The following SLC2A5 variants were observed in gnomAD, a reference collection of about 807,000 sequenced individuals.
SLC2A5 encodes the protein solute carrier family 2, facilitated glucose transporter member 5.
A neutral mutation model predicts 50.3 loss-of-function variants in SLC2A5; 56 were observed. The observed-to-expected ratio is 1.11, with a 90% CI of 0.90 to 1.39. SLC2A5 has a LOEUF of 1.39. SLC2A5 is among the 40% of genes most tolerant of loss of function. The probability of loss-of-function intolerance (pLI) is 0.00; values close to 1 mark genes in which losing one functional copy is unlikely to be tolerated. For missense variants in SLC2A5, 566 were observed against 650.1 expected (o/e 0.87, Z 1.41); for synonymous variants, 269 against 281.9 (o/e 0.95, Z 0.46).
chr1:9,085,386 A>G (rs1013100337), intron 1 of SLC2A5, among the ~76,000 whole-genome samples: 1 of 152,202 alleles, frequency 6.6e-6, no homozygotes, highest in Non-Finnish European at 1.5e-5. Flanking sequence ...CTTCCAGGCT[A>G]TAGGTAAATT....
intron 1 of SLC2A5, among the ~76,000 whole-genome samples, chr1:9,063,711 T>G (rs1642007204): frequency 1.3e-5 from 1 of 79,900 alleles, no homozygotes; most frequent in African/African-American, 6.5e-5. Flanking sequence ...TTTTTTTTTT[T>G]TGAGACGGAG....
At chr1:9,066,596 A>AC (rs953012684) in intron 1 of SLC2A5, among the ~76,000 whole-genome samples, 21 of 151,054 alleles carry the variant, frequency 1.4e-4, no homozygotes, top group African/African-American at 5.1e-4. Context: ...AATCCATTTT[A>AC]TTTTTTTTTC....
intron 9 of SLC2A5, 140 bp downstream of exon 9, chr1:9,038,688 C>G: frequency 7.4e-7 from 1 of 1,360,290 alleles, no homozygotes; most frequent in Non-Finnish European, 9.9e-7. Flanking sequence ...CACACGGTCC[C>G]CAGATGTCTG....
Position 9,046,022 on chromosome 1 carries a change from C to T in SLC2A5, c.418+1588G>A, listed in dbSNP as rs1271116882. Among the ~76,000 whole-genome samples, 3 of 152,094 alleles carry T rather than the reference C, an allele frequency of 2.0e-5. No individual in the cohort carries two copies. The East Asian group carries it at 5.8e-4, about 29-fold the overall frequency. On this transcript the variant is annotated intron_variant, in intron 4 of 11. Transcript: ENST00000377424. ...GAAATGTCTTCTCATCTTTTTTTCA[C>T]GTCTCTGTTACTGCCAATTAATCCT...
In SLC2A5 at chr1:9,055,246, G is replaced by A. The variant is rs144278044; in HGVS notation, c.293+2202C>T. 3.1e-3 allele frequency among the ~76,000 whole-genome samples: 475 copies of A among 151,988 alleles called. 1 individual carries two copies. The highest frequency in any genetic ancestry group is 0.011 in the African/African-American group (462 of 41,442). On this transcript the variant is annotated intron_variant, in intron 3 of 11. Transcript: ENST00000377424. The stretch of plus-strand genomic sequence containing the variant: ...AATGGAGTGGGGATTAGCCGGGTGC[G>A]GTGGCTCACACCTGTAATCTCAGCA...
At chr1:9,058,108 G>A (rs772568807) in intron 2 of SLC2A5, 44 bp downstream of exon 2, 12 of 1,463,492 alleles carry the variant, frequency 8.2e-6, no homozygotes, top group South Asian at 4.6e-5. Context: ...GCAATGGGCT[G>A]CTCCAAACGT....
At chr1:9,066,962 A>G (rs1178013595) in intron 1 of SLC2A5, among the ~76,000 whole-genome samples, 1 of 151,018 alleles carries the variant, frequency 6.6e-6, no homozygotes, top group African/African-American at 2.4e-5. Flanking sequence ...TGGCCAACAG[A>G]GTAAGACCCT....
At chr1:9,052,271 G>T (rs532340662) in intron 3 of SLC2A5, among the ~76,000 whole-genome samples, 1 of 151,874 alleles carries the variant, frequency 6.6e-6, no homozygotes, top group Non-Finnish European at 1.5e-5. Flanking sequence ...GTGACAGAGC[G>T]AGACTCCGTC....
At chr1:9,041,522 C>A (rs1379629938) in intron 5 of SLC2A5, 4 of 1,346,256 alleles carry the variant, frequency 3.0e-6, no homozygotes, top group South Asian at 2.3e-5. Flanking sequence ...GCTGAGCAGG[C>A]AGGGAAGCCC....
intron 2 of SLC2A5, among the ~76,000 whole-genome samples, chr1:9,076,935 G>A (rs1178309877): frequency 2.6e-5 from 4 of 151,638 alleles, no homozygotes; most frequent in Non-Finnish European, 5.9e-5. Flanking sequence ...GATTACAGGC[G>A]CCTGCCACCA....
chr1:9,039,483 C>A, intron 8 of SLC2A5, 69 bp downstream of exon 8: 1 of 1,181,712 alleles, frequency 8.5e-7, no homozygotes, highest in Non-Finnish European at 1.2e-6. Context: ...CTTTTGGCGG[C>A]GCCGAGGCTG....
intron 5 of SLC2A5, chr1:9,041,160 GA>G: frequency 2.6e-6 from 1 of 380,660 alleles, no homozygotes; most frequent in Non-Finnish European, 4.6e-6. Flanking sequence ...ACCCTGGCGG[GA>G]ACTGGCTTAT....
intron 2 of SLC2A5, among the ~76,000 whole-genome samples, chr1:9,078,999 C>T (rs559411574): frequency 2.6e-5 from 4 of 152,254 alleles, no homozygotes; most frequent in South Asian, 2.1e-4. Context: ...TGCATCCAGT[C>T]GGTTGACACA....
At chr1:9,042,546 T>C (rs1268290194) in intron 4 of SLC2A5, among the ~76,000 whole-genome samples, 3 of 150,396 alleles carry the variant, frequency 2.0e-5, no homozygotes, top group Non-Finnish European at 3.0e-5. Context: ...TGTGTGTGTG[T>C]GTATATATAT....
intron 3 of SLC2A5, among the ~76,000 whole-genome samples, chr1:9,056,689 T>C (rs2124400957): frequency 6.6e-6 from 1 of 152,224 alleles, no homozygotes; most frequent in Middle Eastern, 3.4e-3. Context: ...GAGCGTGACA[T>C]CTTAAGGACA....
At chr1:9,044,716 A>G (rs1270367270) in intron 4 of SLC2A5, among the ~76,000 whole-genome samples, 1 of 151,968 alleles carries the variant, frequency 6.6e-6, no homozygotes, top group Non-Finnish European at 1.5e-5. Flanking sequence ...CACCATGCCC[A>G]GCTAATTTTT....
Position 9,040,175 on chromosome 1 carries a change from G to A in SLC2A5, c.586C>T (p.Leu196=), listed in dbSNP as rs1373003009. 1.9e-6 allele frequency: 3 copies of A among 1,551,416 alleles called. No homozygotes were observed. The highest frequency in any genetic ancestry group is 1.4e-5 in the African/African-American group (1 of 73,146). ...LANVDGWPIL[L]GLTGVPAALQ... Reference sequence around the variant, plus strand: ...GCCGCGGGGACCCCGGTCAGCCCCAGCAGGATCGGCCAGCCTGGGAGGAAG... The same window carrying A: ...GCCGCGGGGACCCCGGTCAGCCCCAACAGGATCGGCCAGCCTGGGAGGAAG... Residue 196 remains leucine, a synonymous_variant, in exon 6 of 12, where the codon CTG becomes TTG. Coordinates refer to ENST00000377424, the MANE Select transcript of SLC2A5 (RefSeq NM_003039.3). The surrounding 1 kb of genome is among the most constrained non-coding windows in gnomAD (Gnocchi z 4.3).
At chr1:9,039,045 C>T (rs1418983367) in intron 8 of SLC2A5, 116 bp from the exon 9 acceptor site, 3 of 1,199,360 alleles carry the variant, frequency 2.5e-6, no homozygotes, top group Non-Finnish European at 3.5e-6. Context: ...CCCATGTGCA[C>T]GCACACTCAC....
At chr1:9,093,013 G>A (rs1366355050), upstream of SLC2A5, among the ~76,000 whole-genome samples, 2 of 151,988 alleles carry the variant, frequency 1.3e-5, no homozygotes, top group African/African-American at 4.8e-5. Context: ...GAGACCACTC[G>A]CCCCTTTTGC....
Sources: gnomAD v4.1 joint callset for allele counts (sites outside exome capture counted in the v4.1 genomes callset) on GRCh38, gnomAD v4.1.1 for gene constraint, Gnocchi (gnomAD v3.1) non-coding constraint, MANE v1.5 for transcripts, NCBI Gene and HGNC (gene_info 2026-07-23, HGNC 2026-07-21) for gene names.